MAGI1: variants seen among roughly 807,000 people sequenced by gnomAD.
The protein encoded by MAGI1 is membrane associated guanylate kinase, WW and PDZ domain containing 1.
A neutral mutation model predicts 139.9 loss-of-function variants in MAGI1; 58 were observed. The observed-to-expected ratio is 0.41, with a 90% CI of 0.34 to 0.52. The LOEUF is 0.52. Ranked by LOEUF, MAGI1 falls within the 20% of genes least tolerant of loss-of-function variation. The pLI is 0.12. For missense variants in MAGI1, 1,874 were observed against 1,901.6 expected (o/e 0.99, Z 0.27); for synonymous variants, 812 against 737.9 (o/e 1.10, Z -1.63).
In MAGI1 at chr3:65,356,902, G is replaced by A; in HGVS notation, c.3865C>T (p.Pro1289Ser). 1 of 1,614,160 alleles carries A rather than the reference G, an allele frequency of 6.2e-7. No homozygotes were observed. Among genetic ancestry groups the A allele is most frequent in the Non-Finnish European group, 8.5e-7 (1 of 1,180,004 alleles). ...HHTWNGTSRK[P>S]DSGACRPKDR... ...TTGGGTCGGCATGCCCCGCTGTCGG[G>A]TTTCCTCGAAGTCCCATTCCAGGTG... Residue 1289 changes from proline to serine, a missense_variant, in exon 23 of 23, where the codon CCC becomes TCC. Around this residue, in one of 5 missense-constraint regions of MAGI1, gnomAD observed 653 missense variants for 644.5 expected, o/e 1.01. Transcript: ENST00000402939.
At chr3:65,608,114 T>C (rs1436919075) in intron 2 of MAGI1, among the ~76,000 whole-genome samples, 6 of 152,184 alleles carry the variant, frequency 3.9e-5, no homozygotes, top group Non-Finnish European at 8.8e-5. Flanking sequence ...CAGTTTTTTC[T>C]ACAAATCAGA....
At chr3:65,652,248 T>C (rs934724456) in intron 1 of MAGI1, among the ~76,000 whole-genome samples, 2 of 152,158 alleles carry the variant, frequency 1.3e-5, no homozygotes, top group African/African-American at 2.4e-5. Context: ...TATGTTGCCA[T>C]TGCCATTATT....
intron 1 of MAGI1, among the ~76,000 whole-genome samples, chr3:65,684,167 C>CAAAAAAAAAAAA (rs1163089641): frequency 1.3e-5 from 1 of 79,412 alleles, no homozygotes; most frequent in Non-Finnish European, 2.4e-5. Flanking sequence ...GAGACTGTCT[C>CAAAAAAAAAAAA]AAAAAAAAAA....
At position 65,356,464 on chromosome 3, in the gene MAGI1, T is replaced by C. The variant is rs1940199341; in HGVS notation, c.4303A>G (p.Lys1435Glu). The C allele has an allele frequency of 6.2e-7, 1 of 1,611,966 alleles. No individual in the cohort carries two copies. The highest frequency in any genetic ancestry group is 8.5e-7 in the Non-Finnish European group (1 of 1,179,976). ...SHREREEANL[K>E]QDAGRSSRHP... ...CTGGAACTTCTGCCGGCATCCTGTT[T>C]CAGATTCGCCTCTTCCCTTTCTCGG... The change falls in exon 23 of 23, where the codon AAA becomes GAA. Residue 1435 changes from lysine (K) to glutamate (E), a missense_variant. Lys to Glu is a moderately conservative substitution (Grantham distance 56, BLOSUM62 1). Transcript: ENST00000402939.
At chr3:65,495,438 A>G (rs974621250) in intron 2 of MAGI1, among the ~76,000 whole-genome samples, 1 of 152,122 alleles carries the variant, frequency 6.6e-6, no homozygotes, top group Non-Finnish European at 1.5e-5. Context: ...ACATATAAAT[A>G]TATCTCTGTT....
chr3:65,414,739 G>GA (rs978515902), intron 12 of MAGI1, among the ~76,000 whole-genome samples: 16 of 150,236 alleles, frequency 1.1e-4, no homozygotes, highest in East Asian at 2.0e-4. Flanking sequence ...CTTTTCATAA[G>GA]AAAAAAAAGA....
chr3:65,690,924 C>A (rs1039760951), intron 1 of MAGI1, among the ~76,000 whole-genome samples: 1 of 152,110 alleles, frequency 6.6e-6, no homozygotes, highest in South Asian at 2.1e-4. Flanking sequence ...GCCCCACTTA[C>A]CAAACTAGCA....
intron 2 of MAGI1, among the ~76,000 whole-genome samples, chr3:65,594,996 C>T (rs1324982467): frequency 2.6e-5 from 4 of 152,150 alleles, no homozygotes; most frequent in Non-Finnish European, 4.4e-5. Context: ...GGTATCACAT[C>T]ACCTGCTTTA....
intron 1 of MAGI1, among the ~76,000 whole-genome samples, chr3:65,735,269 T>C (rs569282932): frequency 5.3e-5 from 8 of 152,202 alleles, no homozygotes; most frequent in South Asian, 2.1e-4. Context: ...GTTCTAATAA[T>C]AGACAAATGG....
At chr3:65,803,889 T>C (rs1331706459) in intron 1 of MAGI1, among the ~76,000 whole-genome samples, 5 of 152,140 alleles carry the variant, frequency 3.3e-5, no homozygotes, top group African/African-American at 9.7e-5. Context: ...ATTTTGCATA[T>C]GACAAAAGAT....
At chr3:65,512,533 C>T (rs1382331076) in intron 2 of MAGI1, among the ~76,000 whole-genome samples, 30 of 149,482 alleles carry the variant, frequency 2.0e-4, no homozygotes, top group Middle Eastern at 3.4e-3. Context: ...AACACCTCTA[C>T]GCAAATAAAA....
intron 2 of MAGI1, among the ~76,000 whole-genome samples, chr3:65,502,642 C>G (rs1036664715): frequency 5.9e-5 from 9 of 152,184 alleles, no homozygotes; most frequent in African/African-American, 2.2e-4. Context: ...GCTGTATCTT[C>G]ACATGGCAGG....
intron 2 of MAGI1, among the ~76,000 whole-genome samples, chr3:65,595,868 T>C (rs1576427549): frequency 1.3e-5 from 2 of 152,116 alleles, no homozygotes; most frequent in South Asian, 4.1e-4. Context: ...TCAAGAATCC[T>C]TTCCCTCTGC....
intron 13 of MAGI1, among the ~76,000 whole-genome samples, chr3:65,394,033 T>G (rs1944167866): frequency 6.6e-6 from 1 of 152,138 alleles, no homozygotes; most frequent in Non-Finnish European, 1.5e-5. Context: ...CGTATGTGCT[T>G]TTACATACAT....
intron 1 of MAGI1, among the ~76,000 whole-genome samples, chr3:65,697,235 G>C (rs1022519223): frequency 6.6e-6 from 1 of 151,978 alleles, no homozygotes; most frequent in Non-Finnish European, 1.5e-5. Flanking sequence ...ATAATCAATA[G>C]TTTATCAACC....
chr3:65,996,360 C>T, intron 1 of MAGI1, among the ~76,000 whole-genome samples: 1 of 152,160 alleles, frequency 6.6e-6, no homozygotes, highest in Admixed American at 6.5e-5. Flanking sequence ...CCTAAATTAA[C>T]AGTGCAACAC....
intron 2 of MAGI1, among the ~76,000 whole-genome samples, chr3:65,570,119 C>A (rs567438060): frequency 7.2e-4 from 98 of 136,828 alleles, no homozygotes; most frequent in African/African-American, 2.5e-3. Context: ...TATTATTATT[C>A]TGAGACACAG....
chr3:65,896,717 C>A (rs943054998), intron 1 of MAGI1, among the ~76,000 whole-genome samples: 29 of 152,060 alleles, frequency 1.9e-4, no homozygotes, highest in Admixed American at 2.0e-4. Context: ...AAATACCCAA[C>A]AATAATATGG....
rs780601000 is a variant in MAGI1 at position 65,493,582 on chromosome 3, G to A, written c.480C>T (p.Asn160=). Residue 160 remains asparagine (N), a synonymous_variant, in exon 3 of 23, where the codon AAC becomes AAT. Coordinates refer to ENST00000402939, the MANE Select transcript of MAGI1 (RefSeq NM_001033057.2). ...REGEVPGVDY[N]FLTVKEFLDL... is the part of the protein sequence containing the mutation. ...CCAAGAACTCCTTCACAGTCAGAAA[G>A]TTATAGTCCACGCCAGGCACTTCTC... 2 of 1,614,174 alleles carry A rather than the reference G, an allele frequency of 1.2e-6. No individual in the cohort carries two copies. The highest frequency in any genetic ancestry group is 1.7e-5 in the Admixed American group (1 of 60,020).
Sources: allele counts gnomAD v4.1 joint callset (sites outside exome capture counted in the v4.1 genomes callset), GRCh38; gene constraint gnomAD v4.1.1; regional missense constraint gnomAD v4.1.1; transcripts MANE v1.5; gene names NCBI Gene and HGNC (gene_info 2026-07-23, HGNC 2026-07-21).